Variants in ITGA11 observed in about 807,000 individuals in gnomAD.
The protein encoded by ITGA11 is integrin subunit alpha 11.
Under a neutral mutation model 141.9 loss-of-function variants are expected in ITGA11, and 97 were observed. The ratio of observed to expected loss-of-function variants is 0.68; its 90% CI spans 0.58 to 0.81. The LOEUF is 0.81. ITGA11 is among the 30% of genes least tolerant of loss of function. The probability of loss-of-function intolerance (pLI) is 0.00; values close to 1 mark genes in which losing one functional copy is unlikely to be tolerated. For missense variants in ITGA11, 1,387 were observed against 1,559.2 expected, an observed-to-expected ratio of 0.89 and a Z score of 1.86; for synonymous variants, 658 against 624.6, an observed-to-expected ratio of 1.05 and a Z score of -0.80.
chr15:68,391,658 C>T (rs1896125151), intron 2 of ITGA11, among the ~76,000 whole-genome samples: 1 of 152,104 alleles, frequency 6.6e-6, no homozygotes, highest in African/African-American at 2.4e-5. Context: ...TCATTTTAGG[C>T]TAGGAAAAGG....
Position 68,335,793 on chromosome 15 carries a change from G to A in ITGA11, c.1329C>T (p.Ala443=), listed in dbSNP as rs1894334708. The A allele has an allele frequency of 2.5e-6, 4 of 1,613,416 alleles. No homozygotes were observed. The highest frequency in any genetic ancestry group is 1.1e-5 in the South Asian group (1 of 90,934). Residue 443 remains alanine, a synonymous_variant, in exon 12 of 30, where the codon GCC becomes GCT. Coordinates refer to ENST00000315757, the MANE Select transcript of ITGA11 (RefSeq NM_001004439.2). This position sits in a 1 kb window ranked among gnomAD's most constrained non-coding sequence, Gnocchi z 4.9. ...VSSRQGRVYV[A]GAPRFNHTGK... is the part of the protein sequence containing the mutation. ...CCGTGTGGTTGAACCGGGGGGCTCC[G>A]GCCACGTACACCCGCCCCTGCCTGG... is the stretch of plus-strand genomic sequence containing the variant.
intron 23 of ITGA11, among the ~76,000 whole-genome samples, chr15:68,313,396 G>T (rs1002636318): frequency 6.6e-6 from 1 of 152,150 alleles, no homozygotes; most frequent in African/African-American, 2.4e-5. Context: ...TAGATGTGCT[G>T]GCATAATATG....
At chr15:68,329,986 C>T (rs1894102684) in intron 15 of ITGA11, among the ~76,000 whole-genome samples, 1 of 152,250 alleles carries the variant, frequency 6.6e-6, no homozygotes, top group Non-Finnish European at 1.5e-5. Flanking sequence ...TCTTCCCCTA[C>T]AATGGGCTGT....
chr15:68,386,802 A>T (rs115388018), intron 2 of ITGA11, among the ~76,000 whole-genome samples: 3,713 of 152,210 alleles, frequency 0.024, 135 homozygotes, highest in African/African-American at 0.082. Flanking sequence ...CCACTGCTGC[A>T]GGTGGGTGCT....
intron 2 of ITGA11, among the ~76,000 whole-genome samples, chr15:68,395,284 C>T (rs1896204373): frequency 6.6e-6 from 1 of 152,132 alleles, no homozygotes; most frequent in South Asian, 2.1e-4. Context: ...CAAAGGATCG[C>T]AGATCCTCAC....
intron 1 of ITGA11, among the ~76,000 whole-genome samples, chr15:68,408,923 C>A (rs181198829): frequency 4.8e-4 from 73 of 152,260 alleles, no homozygotes; most frequent in Admixed American, 4.2e-3. Flanking sequence ...GAGTTACTCT[C>A]CCTTTCTGGT....
intron 1 of ITGA11, among the ~76,000 whole-genome samples, chr15:68,412,059 CCA>C (rs759895988): frequency 1.4e-4 from 22 of 152,058 alleles, no homozygotes; most frequent in Non-Finnish European, 2.8e-4. Context: ...TCAGCTGACC[CCA>C]GATATGTGAA....
intron 1 of ITGA11, among the ~76,000 whole-genome samples, chr15:68,428,762 C>T (rs1897201871): frequency 6.6e-6 from 1 of 152,204 alleles, no homozygotes; most frequent in Non-Finnish European, 1.5e-5. Context: ...CCCCTACCCA[C>T]AAGGGCCATG....
chr15:68,415,840 T>C (rs75783330), intron 1 of ITGA11, among the ~76,000 whole-genome samples: 10,931 of 152,300 alleles, frequency 0.072, 527 homozygotes, highest in African/African-American at 0.12. Flanking sequence ...GGCCTTGATG[T>C]GGATGCTCAG....
At chr15:68,306,580 G>A (rs911456908) in intron 28 of ITGA11, among the ~76,000 whole-genome samples, 8 of 152,188 alleles carry the variant, frequency 5.3e-5, no homozygotes, top group Admixed American at 3.9e-4. Context: ...GGCCCAAGCC[G>A]TAGGAGACAC....
At chr15:68,368,714 T>C (rs1460619960) in intron 3 of ITGA11, among the ~76,000 whole-genome samples, 1 of 152,238 alleles carries the variant, frequency 6.6e-6, no homozygotes, top group Non-Finnish European at 1.5e-5. Flanking sequence ...TGTCATTTCC[T>C]ATCTGTTAAA....
intron 1 of ITGA11, among the ~76,000 whole-genome samples, chr15:68,405,159 CT>C (rs201537337): frequency 1.1e-3 from 134 of 118,928 alleles, no homozygotes; most frequent in African/African-American, 3.9e-3. Flanking sequence ...CACTGTCTCC[CT>C]TTTTTTTTTT....
At chr15:68,317,607 GA>G (rs1247128361) in intron 20 of ITGA11, among the ~76,000 whole-genome samples, 1 of 148,432 alleles carries the variant, frequency 6.7e-6, no homozygotes, top group Non-Finnish European at 1.5e-5. Flanking sequence ...AGGCGGTGGG[GA>G]GGATGGCGGG....
intron 1 of ITGA11, among the ~76,000 whole-genome samples, chr15:68,413,218 G>A (rs1370932521): frequency 1.3e-5 from 2 of 152,184 alleles, no homozygotes; most frequent in African/African-American, 4.8e-5. Flanking sequence ...TTTGAGAACT[G>A]CTCTGTCGAG....
intron 21 of ITGA11, among the ~76,000 whole-genome samples, chr15:68,316,303 T>A (rs1412159906): frequency 1.3e-5 from 2 of 152,226 alleles, no homozygotes; most frequent in Non-Finnish European, 2.9e-5. Context: ...ATACTCCCCT[T>A]GCCCTTCGCC....
Position 68,326,879 on chromosome 15 carries a change from A to C in ITGA11, c.2069-83T>G, listed in dbSNP as rs1436685471. ...GTCTGCCTCCTCCAGGAAGCCCCCC[A>C]GGCTGGCCAGGGGAGAGCTGTTCCT... On this transcript the variant is annotated intron_variant, in intron 16 of 29. Transcript: ENST00000315757. The surrounding 1 kb of genome is among the most constrained non-coding windows in gnomAD (Gnocchi z 6.8). 2 of 1,443,878 alleles carry C rather than the reference A, an allele frequency of 1.4e-6. No individual in the cohort carries two copies. 89.4% of individuals were successfully genotyped at this position (1,443,878 alleles called of 1,614,324 possible).
chr15:68,335,935 T>C lies in ITGA11; in HGVS notation c.1277-90A>G. On this transcript the variant is annotated intron_variant, in intron 11 of 29. Transcript: ENST00000315757. The surrounding 1 kb of genome is among the most constrained non-coding windows in gnomAD (Gnocchi z 4.9). ...TGCATGGCTTGGCAGTGCCAGAGGA[T>C]GGGCCAGTGATGGGGTAGGTTCAGG... The C allele has an allele frequency of 2.1e-6, 3 of 1,458,584 alleles. No homozygotes were observed. The highest frequency in any genetic ancestry group is 2.8e-6 in the Non-Finnish European group (3 of 1,072,178). The allele number at this position is 1,458,584 out of a possible 1,614,324, so 90.4% of individuals were successfully genotyped here.
chr15:68,405,236 C>T (rs1289332664), intron 1 of ITGA11, among the ~76,000 whole-genome samples: 2 of 125,872 alleles, frequency 1.6e-5, no homozygotes, highest in Non-Finnish European at 3.1e-5. Context: ...AATTAAAGTC[C>T]CCAGAGTAAA....
At chr15:68,377,168 G>T (rs764203650) in intron 2 of ITGA11, among the ~76,000 whole-genome samples, 3 of 151,990 alleles carry the variant, frequency 2.0e-5, no homozygotes, top group Non-Finnish European at 4.4e-5. Context: ...CCTTTAATTG[G>T]TTCAAAAAAT....
Sources: gnomAD v4.1 joint callset for allele counts (sites outside exome capture counted in the v4.1 genomes callset) on GRCh38, gnomAD v4.1.1 for gene constraint, Gnocchi (gnomAD v3.1) non-coding constraint, MANE v1.5 for transcripts, NCBI Gene and HGNC (gene_info 2026-07-23, HGNC 2026-07-21) for gene names.